TMEM63A: variants seen among roughly 807,000 people sequenced by gnomAD.
TMEM63A encodes transmembrane protein 63A, also known as mechanosensitive cation channel TMEM63A.
A neutral mutation model predicts 100.6 loss-of-function variants in TMEM63A; 76 were observed. The ratio of observed to expected loss-of-function variants is 0.76; its 90% CI spans 0.63 to 0.91. TMEM63A has a LOEUF of 0.91. Among genes scored for constraint, TMEM63A ranks in the 40% least tolerant of loss-of-function variants. TMEM63A has a pLI of 0.00. For missense variants in TMEM63A, 876 were observed against 1,008.8 expected (o/e 0.87, Z 1.78); for synonymous variants, 401 against 401.1 (o/e 1.00, Z 0.00).
chr1:225,878,891 C>CT (rs1670952727), intron 2 of TMEM63A, among the ~76,000 whole-genome samples: 2 of 119,568 alleles, frequency 1.7e-5, no homozygotes, highest in Admixed American at 1.6e-4. Flanking sequence ...TACCTACACA[C>CT]ACACACACAC....
In TMEM63A at chr1:225,865,581, G is replaced by A. The variant is rs535577502; in HGVS notation, c.746+316C>T. On this transcript the variant is annotated intron_variant, in intron 10 of 24. Transcript: ENST00000366835. The surrounding 1 kb of genome is among the most constrained non-coding windows in gnomAD (Gnocchi z 4.6). Reference sequence around the variant, plus strand: ...CTGCAAAGGTGATGCTAAGAACCCCGGGGTCAACAATTTTTTCCCCCGTAT... The same window carrying A: ...CTGCAAAGGTGATGCTAAGAACCCCAGGGTCAACAATTTTTTCCCCCGTAT... 29 of 279,416 alleles carry A rather than the reference G, an allele frequency of 1.0e-4. No individual in the cohort carries two copies. The highest frequency in any genetic ancestry group is 1.2e-3 in the Middle Eastern group (1 of 836). The allele number at this position is 279,416 out of a possible 1,614,324, so 17.3% of individuals were successfully genotyped here.
At chr1:225,859,437 C>T in intron 14 of TMEM63A, 88 bp from the exon 15 acceptor site, 1 of 1,521,032 alleles carries the variant, frequency 6.6e-7, no homozygotes, top group Non-Finnish European at 8.9e-7. Flanking sequence ...TTAGGCAGAC[C>T]AAGAGACTAG....
chr1:225,845,466 CCCACGCTCACCCCCTCACCCCT>C (rs1668895587), downstream of TMEM63A: 4 of 1,005,124 alleles, frequency 4.0e-6, no homozygotes, highest in East Asian at 2.6e-5. Context: ...ATGCTGGGAG[CCCACGCTCACCCCCTCACCCCT>C]CCAAGCTCAC....
At position 225,847,055 on chromosome 1, in the gene TMEM63A, G is replaced by A. The variant is rs1017583648; in HGVS notation, c.2409C>T (p.Ala803=). The stretch of plus-strand genomic sequence containing the variant: ...TCACCCAGCCTCAGGCCTCCTGGGG[G>A]GCAGCAGCCACACTGCCCGTGGCGC... ...AQSATGSVAA[A]PQEA is the part of the protein sequence containing the mutation. The change falls in exon 24 of 25, where the codon GCC becomes GCT. Residue 803 remains alanine (A), a synonymous_variant. Transcript: ENST00000366835. The A allele has an allele frequency of 6.2e-7, 1 of 1,611,544 alleles. No individual in the cohort carries two copies. Among genetic ancestry groups the A allele is most frequent in the South Asian group, 1.1e-5 (1 of 90,888 alleles).
At chr1:225,842,276 C>T (rs554935907), downstream of TMEM63A, 4 of 996,596 alleles carry the variant, frequency 4.0e-6, no homozygotes, top group African/African-American at 3.2e-5. Flanking sequence ...CAGCCCCGCC[C>T]TCTGCGGCCA....
chr1:225,852,598 A>T (rs1436730226), intron 20 of TMEM63A, 66 bp downstream of exon 20: 3 of 1,499,798 alleles, frequency 2.0e-6, no homozygotes, highest in Non-Finnish European at 2.8e-6. Context: ...GCTGTCCCCG[A>T]GAGGTTTGGT....
rs1668944191 is a variant in TMEM63A at position 225,845,885 on chromosome 1, G to T, written c.*1054C>A. On this transcript the variant is annotated 3_prime_UTR_variant, in exon 25 of 25. Coordinates refer to ENST00000366835, the MANE Select transcript of TMEM63A (RefSeq NM_014698.3). The stretch of plus-strand genomic sequence containing the variant: ...AGGCAGGGCCTACAGAGGTGCCAAG[G>T]CCCCAGGCCAGTTGTGCTAGGAGCC... 5.2e-6 allele frequency: 1 copy of T among 190,568 alleles called. No homozygotes were observed. Among genetic ancestry groups the T allele is most frequent in the Non-Finnish European group, 1.1e-5 (1 of 90,824 alleles). The allele number at this position is 190,568 out of a possible 1,614,324, so 11.8% of individuals were successfully genotyped here.
intron 1 of TMEM63A, among the ~76,000 whole-genome samples, chr1:225,880,874 G>T (rs1168187975): frequency 6.6e-6 from 1 of 152,180 alleles, no homozygotes; most frequent in Non-Finnish European, 1.5e-5. Flanking sequence ...ACAAGCTCTA[G>T]AAATACCAGC....
rs149878408 is a variant in TMEM63A at position 225,848,498 on chromosome 1, C to T, written c.2244G>A (p.Pro748=). 699 of 1,614,082 alleles carry T rather than the reference C, an allele frequency of 4.3e-4. 6 individuals are homozygous for T. The highest frequency in any genetic ancestry group is 5.9e-5 in the Non-Finnish European group (70 of 1,180,004). The change falls in exon 23 of 25, where the codon CCG becomes CCA. Residue 748 remains proline, a synonymous_variant. Transcript: ENST00000366835. ...GCTGAGGGGCACAGCTTACTGTGAA[C>T]GGTGGGGGCATGTGGGCCTCTGCCT... ...GSEAEAHMPP[P]FTPYVPRILN...
chr1:225,865,586 C>G lies in TMEM63A; in HGVS notation c.746+311G>C. The G allele has an allele frequency of 3.4e-6, 1 of 291,506 alleles. No individual in the cohort carries two copies. Among genetic ancestry groups the G allele is most frequent in the Non-Finnish European group, 6.7e-6 (1 of 148,770 alleles). 18.1% of individuals were successfully genotyped at this position (291,506 alleles called of 1,614,324 possible). On this transcript the variant is annotated intron_variant, in intron 10 of 24. Transcript: ENST00000366835. The surrounding 1 kb of genome is among the most constrained non-coding windows in gnomAD (Gnocchi z 4.6). ...AAGGTGATGCTAAGAACCCCGGGGT[C>G]AACAATTTTTTCCCCCGTATGCTCT...
chr1:225,867,271 G>T lies in TMEM63A; in HGVS notation c.515-108C>A. The T allele has an allele frequency of 1.7e-6, 2 of 1,144,558 alleles. No homozygotes were observed. The highest frequency in any genetic ancestry group is 1.2e-5 in the South Asian group (1 of 81,052). The allele number at this position is 1,144,558 out of a possible 1,614,324, so 70.9% of individuals were successfully genotyped here. ...GCTCTGGGGAGGAGGAGCATGTCTG[G>T]ACCAGCAGGAAGACAACGTCTGACT... On this transcript the variant is annotated intron_variant, in intron 7 of 24. Coordinates refer to ENST00000366835, the MANE Select transcript of TMEM63A (RefSeq NM_014698.3). The surrounding 1 kb of genome is among the most constrained non-coding windows in gnomAD (Gnocchi z 4.6).
chr1:225,852,515 T>G, intron 20 of TMEM63A, 149 bp downstream of exon 20: 1 of 672,458 alleles, frequency 1.5e-6, no homozygotes, highest in Non-Finnish European at 2.6e-6. Flanking sequence ...TGAAATCTGG[T>G]GTCACGTGAG....
chr1:225,855,868 C>T lies in TMEM63A; in HGVS notation c.1634+10G>A. On this transcript the variant is annotated intron_variant, in intron 18 of 24. Coordinates refer to ENST00000366835, the MANE Select transcript of TMEM63A (RefSeq NM_014698.3). The stretch of plus-strand genomic sequence containing the variant: ...GCCATGGCTCCAGAACTCAACTTGG[C>T]AATACTCACTCCAACCTGATGGAGG... 1.2e-6 allele frequency: 2 copies of T among 1,613,788 alleles called. No homozygotes were observed. Among genetic ancestry groups the T allele is most frequent in the Non-Finnish European group, 1.7e-6 (2 of 1,179,892 alleles).
intron 6 of TMEM63A, among the ~76,000 whole-genome samples, chr1:225,869,625 T>A (rs1478573296): frequency 6.6e-6 from 1 of 151,848 alleles, no homozygotes; most frequent in Admixed American, 6.6e-5. Context: ...CCACCACATT[T>A]CATCAATTCT....
At position 225,878,885 on chromosome 1, in the gene TMEM63A, T is replaced by TACACACAC. The variant is rs55792328; in HGVS notation, c.-15+327_-15+334dup. On this transcript the variant is annotated intron_variant, in intron 2 of 24. Coordinates refer to ENST00000366835, the MANE Select transcript of TMEM63A (RefSeq NM_014698.3). ...ACACCTACCTACCTACCTACCTACCTACACACACACACACACACACACACA... is the reference window on the plus strand; with the variant it reads ...ACACCTACCTACCTACCTACCTACCTACACACACACACACACACACACACACACACACA... Among the ~76,000 whole-genome samples the TACACACAC allele has an allele frequency of 8.5e-3, 1,185 of 139,560 alleles. 22 individuals are homozygous for TACACACAC. Among genetic ancestry groups the TACACACAC allele is most frequent in the East Asian group, 0.048 (220 of 4,610 alleles). The allele number at this position is 139,560 out of a possible 152,430, so 91.6% of individuals were successfully genotyped here.
chr1:225,876,777 A>G (rs1250144559), intron 3 of TMEM63A, among the ~76,000 whole-genome samples: 1 of 151,832 alleles, frequency 6.6e-6, no homozygotes, highest in Non-Finnish European at 1.5e-5. Flanking sequence ...CCTCCAGAGT[A>G]GCCGGGATTA....
Position 225,865,945 on chromosome 1 carries a change from GTGA to G in TMEM63A, c.695_697del (p.Ile232del). On this transcript the variant is annotated inframe_deletion, in exon 10 of 25. Coordinates refer to ENST00000366835, the MANE Select transcript of TMEM63A (RefSeq NM_014698.3). This position sits in a 1 kb window ranked among gnomAD's most constrained non-coding sequence, Gnocchi z 4.6. The stretch of plus-strand genomic sequence containing the variant: ...CTTCCTGGCATCTCTGGGGAGTCCT[GTGA>G]TGAACAGGGTCCGCCTCACCTGTCC... The G allele has an allele frequency of 6.2e-7, 1 of 1,614,082 alleles. No homozygotes were observed. Among genetic ancestry groups the G allele is most frequent in the Non-Finnish European group, 8.5e-7 (1 of 1,179,954 alleles).
intron 3 of TMEM63A, among the ~76,000 whole-genome samples, chr1:225,876,621 A>G (rs893876238): frequency 6.6e-6 from 1 of 151,762 alleles, no homozygotes; most frequent in Non-Finnish European, 1.5e-5. Flanking sequence ...GGTACGCTCT[A>G]AGAATCAGCT....
chr1:225,844,175 G>C (rs1046035020), downstream of TMEM63A, among the ~76,000 whole-genome samples: 1 of 152,140 alleles, frequency 6.6e-6, no homozygotes, highest in Admixed American at 6.5e-5. Context: ...ACAGTAGCTG[G>C]TGCCCTGAGC....
Sources: gnomAD v4.1 joint callset for allele counts (sites outside exome capture counted in the v4.1 genomes callset) on GRCh38, gnomAD v4.1.1 for gene constraint, Gnocchi (gnomAD v3.1) non-coding constraint, MANE v1.5 for transcripts, NCBI Gene and HGNC (gene_info 2026-07-23, HGNC 2026-07-21) for gene names.